Variants in NAV2 observed in about 807,000 individuals in gnomAD.
NAV2 encodes the protein helicase, APC down-regulated 1.
In NAV2, 54 loss-of-function variants were observed where a neutral mutation model predicts 223.2. That is an observed-to-expected ratio of 0.24 (90% CI 0.19 to 0.30). NAV2 has a LOEUF of 0.30. Ranked by LOEUF, NAV2 falls within the 10% of genes least tolerant of loss-of-function variation. The pLI, the probability that NAV2 is intolerant of heterozygous loss-of-function variation, is 1.00. For missense variants in NAV2, 2,806 were observed against 3,147.5 expected, an observed-to-expected ratio of 0.89 and a Z score of 2.60; for synonymous variants, 1,279 against 1,239.3, an observed-to-expected ratio of 1.03 and a Z score of -0.67.
At chr11:19,367,377 T>G (rs1048438851) in intron 1 of NAV2, among the ~76,000 whole-genome samples, 2 of 152,174 alleles carry the variant, frequency 1.3e-5, no homozygotes, top group Non-Finnish European at 2.9e-5. Context: ...GGAAAGCTGT[T>G]TCCCTGTCTG....
intron 1 of NAV2, among the ~76,000 whole-genome samples, chr11:19,735,513 A>C (rs1189168630): frequency 6.6e-6 from 1 of 152,210 alleles, no homozygotes; most frequent in African/African-American, 2.4e-5. Context: ...CTTTCTGTGA[A>C]ATCAGCACTA....
intron 2 of NAV2, among the ~76,000 whole-genome samples, chr11:19,838,927 A>G (rs2060373464): frequency 6.6e-6 from 1 of 152,166 alleles, no homozygotes; most frequent in African/African-American, 2.4e-5. Flanking sequence ...CTGGCCTTAA[A>G]TGCTTTTCAC....
At chr11:19,684,169 G>A (rs1020901119) in intron 1 of NAV2, among the ~76,000 whole-genome samples, 2 of 151,930 alleles carry the variant, frequency 1.3e-5, no homozygotes, top group African/African-American at 2.4e-5. Flanking sequence ...GTATTGTGTT[G>A]GAAAAAATGA....
intron 1 of NAV2, among the ~76,000 whole-genome samples, chr11:19,408,003 C>A (rs1275592120): frequency 6.6e-6 from 1 of 152,138 alleles, no homozygotes; most frequent in Non-Finnish European, 1.5e-5. Context: ...GCCCATTTAT[C>A]ACCGTGCTGA....
chr11:19,927,880 T>C (rs1359688646), intron 6 of NAV2, among the ~76,000 whole-genome samples: 1 of 152,204 alleles, frequency 6.6e-6, no homozygotes, highest in African/African-American at 2.4e-5. Context: ...TACTGTGTTT[T>C]TACTATGTGG....
intron 4 of NAV2, among the ~76,000 whole-genome samples, chr11:19,872,239 A>G (rs1362022011): frequency 6.6e-6 from 1 of 152,206 alleles, no homozygotes; most frequent in Non-Finnish European, 1.5e-5. Context: ...AACTTACCAC[A>G]TGTCAGTCAC....
chr11:19,590,607 C>G (rs1364624052), intron 1 of NAV2, among the ~76,000 whole-genome samples: 1 of 152,136 alleles, frequency 6.6e-6, no homozygotes, highest in South Asian at 2.1e-4. Context: ...AGCTCAAAAT[C>G]CATTTTCCAA....
chr11:19,516,750 G>A (rs564651671), intron 1 of NAV2, among the ~76,000 whole-genome samples: 3 of 152,202 alleles, frequency 2.0e-5, no homozygotes, highest in Non-Finnish European at 2.9e-5. Flanking sequence ...TGCTGGGCTG[G>A]TGTTTCCACC....
intron 1 of NAV2, among the ~76,000 whole-genome samples, chr11:19,372,173 A>G (rs930556929): frequency 6.6e-6 from 1 of 152,192 alleles, no homozygotes; most frequent in African/African-American, 2.4e-5. Flanking sequence ...TAAAGGCATC[A>G]TGTTTCTCTT....
intron 3 of NAV2, among the ~76,000 whole-genome samples, chr11:19,853,703 G>A (rs1228356816): frequency 6.6e-6 from 1 of 151,590 alleles, no homozygotes; most frequent in Non-Finnish European, 1.5e-5. Flanking sequence ...TGATCTGGTT[G>A]GAGTTTGAGA....
At chr11:20,099,968 G>T (rs1472232961) in intron 31 of NAV2, among the ~76,000 whole-genome samples, 1 of 152,098 alleles carries the variant, frequency 6.6e-6, no homozygotes, top group Non-Finnish European at 1.5e-5. Context: ...GACATCTGGG[G>T]GCCTTTGTCA....
At chr11:19,371,095 C>T (rs530668022) in intron 1 of NAV2, among the ~76,000 whole-genome samples, 7 of 152,236 alleles carry the variant, frequency 4.6e-5, no homozygotes, top group South Asian at 2.1e-4. Flanking sequence ...TCATTGCTGT[C>T]GCTGGAAAAG....
chr11:19,557,749 G>T (rs73422209), intron 1 of NAV2, among the ~76,000 whole-genome samples: 14,305 of 152,232 alleles, frequency 0.094, 2,248 homozygotes, highest in African/African-American at 0.33. Context: ...GCACTTCCAG[G>T]TGAGAAGCAT....
At chr11:19,988,503 C>T (rs1372045022) in intron 11 of NAV2, among the ~76,000 whole-genome samples, 1 of 151,880 alleles carries the variant, frequency 6.6e-6, no homozygotes, top group Non-Finnish European at 1.5e-5. Flanking sequence ...AATCGCCCTC[C>T]ACCTTTGAGC....
At chr11:19,589,217 G>A (rs1248949969) in intron 1 of NAV2, among the ~76,000 whole-genome samples, 3 of 152,076 alleles carry the variant, frequency 2.0e-5, no homozygotes, top group Non-Finnish European at 2.9e-5. Context: ...AGAATTTCAG[G>A]AAGACAAAAA....
At chr11:19,561,330 G>A (rs1006440696) in intron 1 of NAV2, among the ~76,000 whole-genome samples, 4 of 152,120 alleles carry the variant, frequency 2.6e-5, no homozygotes, top group African/African-American at 7.2e-5. Flanking sequence ...AGAGTCGGGC[G>A]GGAAACCAGG....
chr11:19,726,403 C>T (rs1245655695), intron 1 of NAV2, among the ~76,000 whole-genome samples: 1 of 152,188 alleles, frequency 6.6e-6, no homozygotes, highest in African/African-American at 2.4e-5. Context: ...GTTTTCTTAC[C>T]CCTTCATTTT....
chr11:19,652,815 G>A (rs1162618806), intron 1 of NAV2, among the ~76,000 whole-genome samples: 1 of 152,164 alleles, frequency 6.6e-6, no homozygotes, highest in Non-Finnish European at 1.5e-5. Context: ...TCTCCACCTT[G>A]CTTTTACACT....
At chr11:19,512,265 C>T (rs941428606) in intron 1 of NAV2, among the ~76,000 whole-genome samples, 2 of 152,148 alleles carry the variant, frequency 1.3e-5, no homozygotes, top group Admixed American at 6.5e-5. Context: ...GGACAACAGC[C>T]TTGCATGGGC....
Sources: allele counts gnomAD v4.1 joint callset (sites outside exome capture counted in the v4.1 genomes callset), GRCh38; gene constraint gnomAD v4.1.1; transcripts MANE v1.5; gene names NCBI Gene and HGNC (gene_info 2026-07-23, HGNC 2026-07-21).